Variants in GRM8 observed in about 807,000 individuals in gnomAD.
GRM8 encodes glutamate metabotropic receptor 8, also known as metabotropic glutamate receptor 8.
GRM8 carries 47 observed loss-of-function variants against 87.2 expected under a neutral mutation model. The ratio of observed to expected loss-of-function variants is 0.54; its 90% CI spans 0.43 to 0.69. GRM8 has a LOEUF of 0.69. Ranked by LOEUF, GRM8 falls within the 30% of genes least tolerant of loss-of-function variation. GRM8 has a pLI of 0.00. For missense variants in GRM8, 1,019 were observed against 1,139.2 expected (o/e 0.89, Z 1.52); for synonymous variants, 396 against 404.5 (o/e 0.98, Z 0.25).
chr7:126,789,967 G>T (rs1300405587), intron 6 of GRM8, among the ~76,000 whole-genome samples: 7 of 151,546 alleles, frequency 4.6e-5, no homozygotes, highest in African/African-American at 1.7e-4. Context: ...TATTTTATTT[G>T]CTTAATTCCA....
intron 7 of GRM8, among the ~76,000 whole-genome samples, chr7:126,766,585 T>C (rs1317683532): frequency 1.3e-5 from 2 of 152,112 alleles, no homozygotes; most frequent in African/African-American, 2.4e-5. Flanking sequence ...CTGTACAAAC[T>C]TGGCAGTTGC....
Position 127,142,155 on chromosome 7 carries a change from T to A in GRM8, c.511-35443A>T, listed in dbSNP as rs28951083. 9.9e-5 allele frequency among the ~76,000 whole-genome samples: 15 copies of A among 152,076 alleles called. No homozygotes were observed. In the East Asian group the frequency reaches 2.9e-3, roughly 29 times the overall value. On this transcript the variant is annotated intron_variant, in intron 2 of 10. Transcript: ENST00000339582. ...TGCACACCTAATATTTTTTTAAAAA[T>A]TTTGTAGAGATGGGGTCTCACTTTG...
At chr7:127,083,763 C>A (rs1459769751) in intron 3 of GRM8, among the ~76,000 whole-genome samples, 4 of 152,076 alleles carry the variant, frequency 2.6e-5, no homozygotes, top group African/African-American at 9.7e-5. Context: ...CCTTTTCCCC[C>A]AAAATCGGCT....
At chr7:126,873,352 CTT>C in intron 6 of GRM8, among the ~76,000 whole-genome samples, 2 of 152,204 alleles carry the variant, frequency 1.3e-5, no homozygotes, top group South Asian at 4.1e-4. Flanking sequence ...AGAAGCGAAA[CTT>C]ATTTTAATAA....
At chr7:126,561,803 T>C (rs1441706880) in intron 8 of GRM8, among the ~76,000 whole-genome samples, 3 of 114,608 alleles carry the variant, frequency 2.6e-5, no homozygotes, top group African/African-American at 1.0e-4. Flanking sequence ...CAGTCCCCAG[T>C]GTGTGATGTT....
chr7:127,115,253 A>G (rs1020755587), intron 2 of GRM8, among the ~76,000 whole-genome samples: 6 of 152,186 alleles, frequency 3.9e-5, no homozygotes, highest in African/African-American at 1.4e-4. Context: ...TGGTTGTGGC[A>G]GGCCAAGCAG....
At chr7:127,075,093 G>A (rs970182523) in intron 3 of GRM8, among the ~76,000 whole-genome samples, 8 of 152,130 alleles carry the variant, frequency 5.3e-5, no homozygotes, top group Non-Finnish European at 8.8e-5. Flanking sequence ...TTGTATAAAG[G>A]CTTATTTTAT....
chr7:126,555,058 G>C lies in GRM8; in HGVS notation c.1495-21171C>G, dbSNP rs148481466. 2.8e-4 allele frequency among the ~76,000 whole-genome samples: 42 copies of C among 152,198 alleles called. 1 individual carries two copies. Among genetic ancestry groups the C allele is most frequent in the African/African-American group, 9.6e-4 (40 of 41,528 alleles). ...GAGAGCAGTAAGAATAAATTATGAT[G>C]TTAAAACTCAAAGAAACACTTAAAA... is the stretch of plus-strand genomic sequence containing the variant. On this transcript the variant is annotated intron_variant, in intron 8 of 10. Transcript: ENST00000339582.
chr7:127,165,600 C>T (rs1394680280), intron 2 of GRM8, among the ~76,000 whole-genome samples: 5 of 152,054 alleles, frequency 3.3e-5, no homozygotes, highest in Admixed American at 2.0e-4. Context: ...GCTTTGTCAC[C>T]GCAACTTCTT....
At chr7:126,597,260 A>T (rs1274241250) in intron 8 of GRM8, among the ~76,000 whole-genome samples, 1 of 152,108 alleles carries the variant, frequency 6.6e-6, no homozygotes, top group Admixed American at 6.6e-5. Flanking sequence ...TTCAGTCAAT[A>T]AACATTAATT....
intron 7 of GRM8, among the ~76,000 whole-genome samples, chr7:126,676,184 G>T (rs1166290777): frequency 2.6e-5 from 4 of 152,104 alleles, no homozygotes; most frequent in Admixed American, 2.6e-4. Flanking sequence ...CCAAGGGGGT[G>T]AAAGATCTCT....
At chr7:126,617,816 A>C (rs2151129077) in intron 7 of GRM8, among the ~76,000 whole-genome samples, 1 of 152,346 alleles carries the variant, frequency 6.6e-6, no homozygotes, top group East Asian at 1.9e-4. Context: ...AATCCAACTT[A>C]CAAGGGATGT....
At chr7:126,521,000 C>CA (rs1029215033) in intron 9 of GRM8, among the ~76,000 whole-genome samples, 2 of 152,148 alleles carry the variant, frequency 1.3e-5, no homozygotes, top group African/African-American at 4.8e-5. Context: ...GACAGCACTA[C>CA]AGTGATAAGC....
chr7:127,162,418 G>A (rs1049650837), intron 2 of GRM8, among the ~76,000 whole-genome samples: 2 of 152,182 alleles, frequency 1.3e-5, no homozygotes, highest in African/African-American at 4.8e-5. Flanking sequence ...TCCCAGGCCA[G>A]AAGAGAAAGC....
intron 2 of GRM8, among the ~76,000 whole-genome samples, chr7:127,140,264 C>A (rs945978282): frequency 6.6e-6 from 1 of 151,988 alleles, no homozygotes; most frequent in Non-Finnish European, 1.5e-5. Context: ...AGTGGCATCC[C>A]TGGTCTCTAT....
At chr7:126,471,392 T>C (rs1325818021) in intron 9 of GRM8, among the ~76,000 whole-genome samples, 1 of 152,092 alleles carries the variant, frequency 6.6e-6, no homozygotes, top group Non-Finnish European at 1.5e-5. Flanking sequence ...GGGATCCAGT[T>C]TCAGCTTTCT....
chr7:126,697,124 C>A (rs1585564984), intron 7 of GRM8, among the ~76,000 whole-genome samples: 2 of 139,330 alleles, frequency 1.4e-5, no homozygotes, highest in East Asian at 2.1e-4. Context: ...AAGCCAGGCA[C>A]AGAAAGACAA....
intron 7 of GRM8, among the ~76,000 whole-genome samples, chr7:126,758,658 T>C (rs1222258406): frequency 1.3e-5 from 2 of 152,248 alleles, no homozygotes; most frequent in African/African-American, 4.8e-5. Flanking sequence ...ATGAATGTTT[T>C]TGACATATGC....
At chr7:126,850,197 C>T (rs1334934643) in intron 6 of GRM8, among the ~76,000 whole-genome samples, 2 of 152,156 alleles carry the variant, frequency 1.3e-5, no homozygotes, top group African/African-American at 2.4e-5. Context: ...TATTTGACCG[C>T]TCTAAAGCAA....
Sources: gnomAD v4.1 joint callset for allele counts (sites outside exome capture counted in the v4.1 genomes callset) on GRCh38, gnomAD v4.1.1 for gene constraint, MANE v1.5 for transcripts, NCBI Gene and HGNC (gene_info 2026-07-23, HGNC 2026-07-21) for gene names.